Variants in BMP5 observed in about 807,000 individuals in gnomAD.
The protein encoded by BMP5 is bone morphogenetic protein 5.
Under a neutral mutation model 46.6 loss-of-function variants are expected in BMP5, and 23 were observed. That is an observed-to-expected ratio of 0.49 (90% CI 0.35 to 0.70). The LOEUF (loss-of-function observed/expected upper bound fraction) is 0.70, where lower values mean the gene tolerates loss of function less well. Ranked by LOEUF, BMP5 falls within the 30% of genes least tolerant of loss-of-function variation. The pLI is 0.00. For missense variants in BMP5, 545 were observed against 565.6 expected (o/e 0.96, Z 0.37); for synonymous variants, 204 against 191.9 (o/e 1.06, Z -0.52).
rs1774740931 is a variant in BMP5 at position 55,760,394 on chromosome 6, T to C, written c.1104+63A>G. ...ATTGGAAAATTACTGCCAAAGACTATGACTTATTAAGGATTTATGATAATT... is the reference window on the plus strand; with the variant it reads ...ATTGGAAAATTACTGCCAAAGACTACGACTTATTAAGGATTTATGATAATT... On this transcript the variant is annotated intron_variant, in intron 5 of 6. Transcript: ENST00000370830. The C allele has an allele frequency of 6.2e-6, 9 of 1,460,080 alleles. No homozygotes were observed. In the Admixed American group the frequency reaches 1.3e-4, roughly 22 times the overall value. The allele number at this position is 1,460,080 out of a possible 1,614,324, so 90.4% of individuals were successfully genotyped here.
At chr6:55,818,156 C>T (rs181395731) in intron 2 of BMP5, among the ~76,000 whole-genome samples, 9 of 152,142 alleles carry the variant, frequency 5.9e-5, no homozygotes, top group Non-Finnish European at 1.2e-4. Context: ...CCACAGCCTC[C>T]TTTTGGGTTC....
chr6:55,790,864 C>A (rs1356834767), intron 3 of BMP5, among the ~76,000 whole-genome samples: 1 of 152,116 alleles, frequency 6.6e-6, no homozygotes, highest in Non-Finnish European at 1.5e-5. Flanking sequence ...CCTATGGTGT[C>A]TTTGTTGTAT....
intron 3 of BMP5, among the ~76,000 whole-genome samples, chr6:55,793,969 G>A (rs978929620): frequency 6.6e-6 from 1 of 152,050 alleles, no homozygotes; most frequent in African/African-American, 2.4e-5. Flanking sequence ...TATTATTTTG[G>A]TATTGTTGTA....
chr6:55,854,722 T>G (rs1354264563), intron 1 of BMP5, among the ~76,000 whole-genome samples: 1 of 152,102 alleles, frequency 6.6e-6, no homozygotes, highest in Non-Finnish European at 1.5e-5. Context: ...AATTGATAGA[T>G]TCCCTAAAAT....
At chr6:55,796,319 TG>T (rs1167855077) in intron 2 of BMP5, among the ~76,000 whole-genome samples, 1 of 152,108 alleles carries the variant, frequency 6.6e-6, no homozygotes, top group Non-Finnish European at 1.5e-5. Flanking sequence ...AAATTTCTTT[TG>T]GTAGTCATTT....
At chr6:55,813,651 G>C (rs1377993839) in intron 2 of BMP5, among the ~76,000 whole-genome samples, 1 of 151,962 alleles carries the variant, frequency 6.6e-6, no homozygotes, top group East Asian at 1.9e-4. Context: ...GCCAGGCGTG[G>C]TGGCAGGCGC....
intron 4 of BMP5, among the ~76,000 whole-genome samples, chr6:55,768,802 A>T (rs1360841142): frequency 6.6e-6 from 1 of 151,948 alleles, no homozygotes; most frequent in Non-Finnish European, 1.5e-5. Context: ...TGTCAGAGAC[A>T]TTTACTGGGG....
chr6:55,837,487 T>C (rs1275493497), intron 1 of BMP5, among the ~76,000 whole-genome samples: 1 of 152,136 alleles, frequency 6.6e-6, no homozygotes, highest in Non-Finnish European at 1.5e-5. Context: ...CATTAAGTAC[T>C]CCTTTATTTT....
rs1174111296 is a variant in BMP5 at position 55,754,046 on chromosome 6, T to C, written c.*1487A>G. 2.6e-5 allele frequency: 4 copies of C among 151,966 alleles called. No individual in the cohort carries two copies. Among genetic ancestry groups the C allele is most frequent in the Non-Finnish European group, 4.4e-5 (3 of 67,942 alleles). 9.4% of individuals were successfully genotyped at this position (151,966 alleles called of 1,614,324 possible). The stretch of plus-strand genomic sequence containing the variant: ...TGTATTTCAAAACAACATTTTAATA[T>C]ACCCGAATTACAAACAAAGCCATAA... On this transcript the variant is annotated 3_prime_UTR_variant, in exon 7 of 7. Transcript: ENST00000370830.
At chr6:55,757,573 C>G (rs577397148) in intron 6 of BMP5, among the ~76,000 whole-genome samples, 3 of 151,994 alleles carry the variant, frequency 2.0e-5, no homozygotes, top group Non-Finnish European at 1.5e-5. Flanking sequence ...ACACTCCATA[C>G]TCCTGGAAAC....
chr6:55,850,088 C>CAT (rs1777192286), intron 1 of BMP5, among the ~76,000 whole-genome samples: 2 of 152,090 alleles, frequency 1.3e-5, no homozygotes, highest in Non-Finnish European at 2.9e-5. Flanking sequence ...TAATACATCA[C>CAT]CTTTCCTTGA....
intron 1 of BMP5, among the ~76,000 whole-genome samples, chr6:55,835,136 T>G (rs1177724746): frequency 2.0e-5 from 3 of 152,074 alleles, no homozygotes; most frequent in African/African-American, 7.2e-5. Context: ...AAATTCATTG[T>G]GAATAGCAAT....
intron 1 of BMP5, among the ~76,000 whole-genome samples, chr6:55,847,892 T>C (rs1045779534): frequency 6.6e-6 from 1 of 152,006 alleles, no homozygotes; most frequent in Non-Finnish European, 1.5e-5. Context: ...TTTACTCCTA[T>C]AGCTTTTTCA....
chr6:55,803,222 G>A (rs1236498993), intron 2 of BMP5, among the ~76,000 whole-genome samples: 1 of 151,958 alleles, frequency 6.6e-6, no homozygotes, highest in African/African-American at 2.4e-5. Flanking sequence ...CTTAAACCCA[G>A]GAGGCAGAGG....
At chr6:55,860,286 T>A (rs1019381228) in intron 1 of BMP5, among the ~76,000 whole-genome samples, 1 of 152,096 alleles carries the variant, frequency 6.6e-6, no homozygotes, top group Non-Finnish European at 1.5e-5. Context: ...AAAATTTTTT[T>A]AAAAAGTAAT....
chr6:55,861,435 T>A (rs983271874), intron 1 of BMP5, among the ~76,000 whole-genome samples: 3 of 152,252 alleles, frequency 2.0e-5, no homozygotes, highest in Non-Finnish European at 4.4e-5. Context: ...ATTTTACCTC[T>A]TTTCTATTTT....
At position 55,775,935 on chromosome 6, in the gene BMP5, C is replaced by G. The variant is rs151098339; in HGVS notation, c.833-1692G>C. ...GTATTGGTTGAAAAAAAAAAAAAGG[C>G]TGCATCAATTTAGACAGCATAGGTA... On this transcript the variant is annotated intron_variant, in intron 3 of 6. Transcript: ENST00000370830. Among the ~76,000 whole-genome samples the G allele has an allele frequency of 2.7e-5, 4 of 149,364 alleles. No homozygotes were observed. In the East Asian group the frequency reaches 7.8e-4, roughly 29 times the overall value.
chr6:55,796,268 A>G (rs1775710139), intron 2 of BMP5, among the ~76,000 whole-genome samples: 1 of 152,244 alleles, frequency 6.6e-6, no homozygotes, highest in East Asian at 1.9e-4. Flanking sequence ...CATGAAAAAC[A>G]AAAAAGAACA....
intron 3 of BMP5, among the ~76,000 whole-genome samples, chr6:55,793,802 T>C (rs540947114): frequency 2.2e-4 from 33 of 152,324 alleles, no homozygotes; most frequent in Middle Eastern, 6.8e-3. Context: ...GTATTATTGG[T>C]AGCTCCTTTA....
Sources: allele counts gnomAD v4.1 joint callset (sites outside exome capture counted in the v4.1 genomes callset), GRCh38; gene constraint gnomAD v4.1.1; transcripts MANE v1.5; gene names NCBI Gene and HGNC (gene_info 2026-07-23, HGNC 2026-07-21).